Variants in ZNF407 observed in about 807,000 individuals in gnomAD.
ZNF407 encodes the protein zinc finger protein 407.
Under a neutral mutation model 131.2 loss-of-function variants are expected in ZNF407, and 17 were observed. The ratio of observed to expected loss-of-function variants is 0.13; its 90% CI spans 0.09 to 0.19. The LOEUF is 0.19. Ranked by LOEUF, ZNF407 falls within the 10% of genes least tolerant of loss-of-function variation. The probability of loss-of-function intolerance (pLI) is 1.00; values close to 1 mark genes in which losing one functional copy is unlikely to be tolerated. For missense variants in ZNF407, 2,681 were observed against 2,830.6 expected, an observed-to-expected ratio of 0.95 and a Z score of 1.20; for synonymous variants, 1,156 against 1,062.0, an observed-to-expected ratio of 1.09 and a Z score of -1.72.
chr18:74,884,620 A>T (rs1971283071), intron 6 of ZNF407, among the ~76,000 whole-genome samples: 1 of 152,196 alleles, frequency 6.6e-6, no homozygotes, highest in Non-Finnish European at 1.5e-5. Context: ...CAAAGAAAAT[A>T]TGAAAGAACC....
At chr18:74,917,427 A>G (rs1971787942) in intron 7 of ZNF407, among the ~76,000 whole-genome samples, 1 of 152,236 alleles carries the variant, frequency 6.6e-6, no homozygotes, top group Non-Finnish European at 1.5e-5. Flanking sequence ...TATGTGTGGA[A>G]TAGTCCTTAA....
At chr18:74,931,354 A>G (rs1483689076) in intron 8 of ZNF407, among the ~76,000 whole-genome samples, 2 of 152,228 alleles carry the variant, frequency 1.3e-5, no homozygotes, top group Non-Finnish European at 2.9e-5. Flanking sequence ...CTGTCACTCA[A>G]CAAGAGCAAG....
At chr18:74,624,193 T>C (rs1031977887) in intron 1 of ZNF407, among the ~76,000 whole-genome samples, 15 of 152,118 alleles carry the variant, frequency 9.9e-5, no homozygotes, top group African/African-American at 3.6e-4. Context: ...CCAGAGGGGC[T>C]TTCTGGTTCA....
chr18:74,976,346 T>C (rs1972528418), intron 8 of ZNF407, among the ~76,000 whole-genome samples: 1 of 152,244 alleles, frequency 6.6e-6, no homozygotes, highest in Non-Finnish European at 1.5e-5. Flanking sequence ...ATCTTTCTTA[T>C]GCTGTTATTT....
At chr18:74,932,686 A>T (rs948014383) in intron 8 of ZNF407, among the ~76,000 whole-genome samples, 14 of 152,226 alleles carry the variant, frequency 9.2e-5, no homozygotes, top group African/African-American at 2.7e-4. Flanking sequence ...CAATTCTTTA[A>T]GTTATCAAAT....
At chr18:74,624,841 AC>A (rs1983717192) in intron 1 of ZNF407, among the ~76,000 whole-genome samples, 1 of 152,174 alleles carries the variant, frequency 6.6e-6, no homozygotes, top group Non-Finnish European at 1.5e-5. Flanking sequence ...CCCTCAACAA[AC>A]GACAAACAGT....
chr18:74,924,891 T>C (rs1424423327), intron 8 of ZNF407, among the ~76,000 whole-genome samples: 1 of 152,192 alleles, frequency 6.6e-6, no homozygotes, highest in Non-Finnish European at 1.5e-5. Context: ...ATAGCTCTTA[T>C]TGCTCATGAA....
intron 3 of ZNF407, among the ~76,000 whole-genome samples, chr18:74,680,173 T>C (rs1966948175): frequency 6.6e-6 from 1 of 152,112 alleles, no homozygotes; most frequent in African/African-American, 2.4e-5. Flanking sequence ...GGCAGATCCA[T>C]TGAGCCAAGG....
In ZNF407 at chr18:75,063,903, A is replaced by C; in HGVS notation, c.6182A>C (p.His2061Pro). Residue 2061 changes from histidine to proline, a missense_variant, in exon 9 of 9, where the codon CAT (histidine) becomes CCT (proline). This residue lies in a region of ZNF407 where 620 missense variants were observed against 583.1 expected (regional missense o/e 1.06). Coordinates refer to ENST00000299687, the MANE Select transcript of ZNF407 (RefSeq NM_017757.3). The surrounding 1 kb of genome is among the most constrained non-coding windows in gnomAD (Gnocchi z 6.6). ...AAVEVLTQVVHPSAAMASQER... is the reference protein window; with the variant it reads ...AAVEVLTQVVPPSAAMASQER... The stretch of plus-strand genomic sequence containing the variant: ...GTGGAGGTGCTCACCCAGGTGGTCC[A>C]TCCCTCAGCAGCCATGGCCTCTCAG... 6.2e-7 allele frequency: 1 copy of C among 1,613,432 alleles called. No individual in the cohort carries two copies. The highest frequency in any genetic ancestry group is 8.5e-7 in the Non-Finnish European group (1 of 1,179,840).
At chr18:74,721,969 A>G (rs1052981291) in intron 3 of ZNF407, among the ~76,000 whole-genome samples, 1 of 151,312 alleles carries the variant, frequency 6.6e-6, no homozygotes, top group African/African-American at 2.4e-5. Flanking sequence ...ATCAGCTCTT[A>G]ATTGTATTTT....
At chr18:74,893,034 G>A (rs1213697034) in intron 7 of ZNF407, among the ~76,000 whole-genome samples, 1 of 151,974 alleles carries the variant, frequency 6.6e-6, no homozygotes, top group Non-Finnish European at 1.5e-5. Context: ...AGGTTTTCTT[G>A]GTTTGAAAAT....
In ZNF407 at chr18:74,744,813, C is replaced by T. The variant is rs369801349; in HGVS notation, c.4803-36615C>T. Among the ~76,000 whole-genome samples the T allele has an allele frequency of 1.6e-3, 51 of 31,214 alleles. No homozygotes were observed. In the South Asian group the frequency reaches 0.056, roughly 34 times the overall value. The allele number at this position is 31,214 out of a possible 152,430, so 20.5% of individuals were successfully genotyped here. ...TGTAATACATTACTAATGTACTAAG[C>T]AGTGTATTAGTGTGAAATGCTGAAT... On this transcript the variant is annotated intron_variant, in intron 3 of 8. Transcript: ENST00000299687.
chr18:74,756,409 A>T (rs112652263), intron 3 of ZNF407, among the ~76,000 whole-genome samples: 144 of 152,304 alleles, frequency 9.5e-4, no homozygotes, highest in Non-Finnish European at 1.6e-3. Context: ...CAATTTGGAA[A>T]GTATTGTCAC....
intron 1 of ZNF407, among the ~76,000 whole-genome samples, chr18:74,617,069 A>T (rs1983335815): frequency 3.3e-4 from 8 of 24,222 alleles, no homozygotes; most frequent in African/African-American, 8.7e-4. Flanking sequence ...ACACATCCAT[A>T]TCCACACACA....
chr18:74,809,808 G>A (rs569990943), intron 4 of ZNF407, among the ~76,000 whole-genome samples: 1 of 152,326 alleles, frequency 6.6e-6, no homozygotes, highest in South Asian at 2.1e-4. Flanking sequence ...GTAGCATGGA[G>A]AAGGAGTGAA....
chr18:75,009,529 C>G (rs551264527), intron 8 of ZNF407, among the ~76,000 whole-genome samples: 1 of 152,034 alleles, frequency 6.6e-6, no homozygotes, highest in Admixed American at 6.6e-5. Context: ...GTGAAGTAAC[C>G]GTTCTTACAA....
intron 3 of ZNF407, among the ~76,000 whole-genome samples, chr18:74,735,523 C>T (rs551289548): frequency 6.6e-6 from 1 of 152,304 alleles, no homozygotes; most frequent in East Asian, 1.9e-4. Context: ...ACTGTCTACA[C>T]AATGGACTGT....
At chr18:74,666,107 A>T (rs1184541921) in intron 3 of ZNF407, among the ~76,000 whole-genome samples, 1 of 152,040 alleles carries the variant, frequency 6.6e-6, no homozygotes, top group Non-Finnish European at 1.5e-5. Context: ...GTGCAGTGGG[A>T]GCCTCAGCCT....
intron 8 of ZNF407, among the ~76,000 whole-genome samples, chr18:74,925,628 C>T (rs1180096953): frequency 1.3e-5 from 2 of 152,188 alleles, no homozygotes; most frequent in African/African-American, 4.8e-5. Context: ...CGGTTGCTTT[C>T]ACCCCCTTTT....
Sources: allele counts gnomAD v4.1 joint callset (sites outside exome capture counted in the v4.1 genomes callset), GRCh38; gene constraint gnomAD v4.1.1; regional missense constraint gnomAD v4.1.1; non-coding constraint Gnocchi (gnomAD v3.1); transcripts MANE v1.5; gene names NCBI Gene and HGNC (gene_info 2026-07-23, HGNC 2026-07-21).